Variants in FBN2 observed in about 807,000 individuals in gnomAD.
FBN2 encodes fibrillin-2.
FBN2 carries 105 observed loss-of-function variants against 355.6 expected under a neutral mutation model. The observed-to-expected ratio is 0.30, with a 90% CI of 0.25 to 0.35. The LOEUF (loss-of-function observed/expected upper bound fraction) is 0.35. Ranked by LOEUF, FBN2 falls within the 10% of genes least tolerant of loss-of-function variation. The probability of loss-of-function intolerance (pLI) is 1.00; values close to 1 mark genes in which losing one functional copy is unlikely to be tolerated. For synonymous variants in FBN2, 1,350 were observed against 1,301.2 expected, an observed-to-expected ratio of 1.04 and a Z score of -0.81; for missense variants, 3,280 against 3,758.7, an observed-to-expected ratio of 0.87 and a Z score of 3.33.
Position 128,419,019 on chromosome 5 carries a change from C to G in FBN2, c.953-10220G>C, listed in dbSNP as rs143093730. ...TTTATTTAGATCATTCTTAATTTAA[C>G]AAGGCTTTACAGTTTTCAGTGTACA... On this transcript the variant is annotated intron_variant, in intron 7 of 64. Transcript: ENST00000262464. Among the ~76,000 whole-genome samples, 1,468 of 152,278 alleles carry G rather than the reference C, an allele frequency of 9.6e-3. 10 individuals are homozygous for G. The highest frequency in any genetic ancestry group is 0.017 in the South Asian group (84 of 4,830).
chr5:128,507,329 C>A (rs1465775617), intron 5 of FBN2, among the ~76,000 whole-genome samples: 2 of 151,950 alleles, frequency 1.3e-5, no homozygotes, highest in African/African-American at 2.4e-5. Context: ...CCCAGAGATA[C>A]CGAAATCCAT....
intron 5 of FBN2, among the ~76,000 whole-genome samples, chr5:128,468,676 A>G (rs956410602): frequency 5.3e-5 from 8 of 152,176 alleles, no homozygotes; most frequent in Non-Finnish European, 1.0e-4. Context: ...TTTACATTAA[A>G]TAAACACATT....
intron 8 of FBN2, among the ~76,000 whole-genome samples, chr5:128,406,301 C>T (rs1476952139): frequency 1.3e-5 from 2 of 152,174 alleles, no homozygotes; most frequent in Non-Finnish European, 1.5e-5. Context: ...ACACTTATCA[C>T]ACATTGTGGC....
At chr5:128,382,261 C>T (rs1461621776) in intron 11 of FBN2, among the ~76,000 whole-genome samples, 4 of 152,090 alleles carry the variant, frequency 2.6e-5, no homozygotes, top group Non-Finnish European at 5.9e-5. Context: ...TAACACCTAA[C>T]ACTACTTTTC....
chr5:128,464,817 G>A lies in FBN2; in HGVS notation c.733C>T (p.Arg245Trp), dbSNP rs146941428. The change falls in exon 6 of 65, where the codon CGG (arginine) becomes TGG (tryptophan). Residue 245 changes from arginine (R) to tryptophan (W), a missense_variant. Arg to Trp is a moderately radical substitution (Grantham distance 101, BLOSUM62 -3). Around this residue, in one of 6 missense-constraint regions of FBN2, gnomAD observed 130 missense variants for 189.9 expected, o/e 0.68. Transcript: ENST00000262464. ...TKTLCCATIG[R>W]AWGHPCEMCP... is the part of the protein sequence containing the mutation. ...ATCTCACAGGGATGGCCCCACGCCC[G>A]TCCAATGGTGGCACAGCACAGAGTC... is the stretch of plus-strand genomic sequence containing the variant. The A allele has an allele frequency of 3.5e-5, 56 of 1,614,116 alleles. No individual in the cohort carries two copies. The highest frequency in any genetic ancestry group is 4.2e-5 in the Non-Finnish European group (49 of 1,180,054).
At chr5:128,307,729 C>T (rs1286466682) in intron 41 of FBN2, among the ~76,000 whole-genome samples, 1 of 150,582 alleles carries the variant, frequency 6.6e-6, no homozygotes, top group African/African-American at 2.4e-5. Flanking sequence ...AAAAACAATG[C>T]ATTATGAAAT....
intron 5 of FBN2, among the ~76,000 whole-genome samples, chr5:128,505,379 A>G (rs531004646): frequency 6.6e-6 from 1 of 152,342 alleles, no homozygotes; most frequent in South Asian, 2.1e-4. Flanking sequence ...AAAAAAGTGT[A>G]TGTGGCCAGA....
rs1348868356 is a variant in FBN2, at chr5:128,280,351, A to T, written c.7013-34T>A. The T allele has an allele frequency of 3.2e-6, 5 of 1,561,302 alleles. No individual in the cohort carries two copies. The East Asian group carries it at 1.1e-4, about 35-fold the overall frequency. On this transcript the variant is annotated intron_variant, in intron 55 of 64. Coordinates refer to ENST00000262464, the MANE Select transcript of FBN2 (RefSeq NM_001999.4). The stretch of plus-strand genomic sequence containing the variant: ...AAACAAACAATATGAATAATGAGAA[A>T]ACTGTCAAATTATAGTTTACAAGCT...
chr5:128,410,199 T>C (rs1269636899), intron 7 of FBN2, among the ~76,000 whole-genome samples: 1 of 152,200 alleles, frequency 6.6e-6, no homozygotes, highest in Non-Finnish European at 1.5e-5. Context: ...AAATACAAAA[T>C]GTGGTCAAAG....
chr5:128,299,042 C>T (rs1460634546), intron 48 of FBN2, among the ~76,000 whole-genome samples: 1 of 152,060 alleles, frequency 6.6e-6, no homozygotes, highest in African/African-American at 2.4e-5. Flanking sequence ...TGTTAGTTTT[C>T]CTTCTAACAG....
chr5:128,537,763 G>A lies in FBN2; in HGVS notation c.-160C>T. On this transcript the variant is annotated 5_prime_UTR_variant, in exon 1 of 65. Transcript: ENST00000262464. ...CCTGCTCTAGCTGGAGACCTCGACA[G>A]AGCGCCGGCCCCCTGACTGCCCGCG... The A allele has an allele frequency of 1.4e-6, 1 of 718,476 alleles. No individual in the cohort carries two copies. Among genetic ancestry groups the A allele is most frequent in the Non-Finnish European group, 2.3e-6 (1 of 431,618 alleles). 44.5% of individuals were successfully genotyped at this position (718,476 alleles called of 1,614,324 possible). A position where few individuals can be genotyped will look rare whatever the true frequency, so the allele number is the denominator to read the frequency against.
At chr5:128,536,360 C>T (rs752396067) in intron 2 of FBN2, 42 bp downstream of exon 2, 1 of 1,524,112 alleles carries the variant, frequency 6.6e-7, no homozygotes, top group Non-Finnish European at 9.1e-7. Flanking sequence ...GAGATAGGGC[C>T]GAGTGCGCTG....
At chr5:128,439,907 T>A (rs931419694) in intron 7 of FBN2, among the ~76,000 whole-genome samples, 1 of 152,198 alleles carries the variant, frequency 6.6e-6, no homozygotes, top group Non-Finnish European at 1.5e-5. Flanking sequence ...AATATTTGTA[T>A]CTTTGATTCA....
intron 5 of FBN2, among the ~76,000 whole-genome samples, chr5:128,469,425 G>A (rs1300181426): frequency 6.6e-6 from 1 of 151,882 alleles, no homozygotes; most frequent in Non-Finnish European, 1.5e-5. Context: ...CAGCTACTTG[G>A]GAGGCTGAGG....
intron 16 of FBN2, among the ~76,000 whole-genome samples, chr5:128,366,890 C>T (rs1751785263): frequency 6.6e-6 from 1 of 152,094 alleles, no homozygotes; most frequent in African/African-American, 2.4e-5. Flanking sequence ...CTTTTTACAA[C>T]TGAGGAAAAG....
chr5:128,259,931 T>C, intron 64 of FBN2, 102 bp from the exon 65 acceptor site: 1 of 1,233,454 alleles, frequency 8.1e-7, no homozygotes, highest in South Asian at 1.2e-5. Flanking sequence ...GGACAGGCTG[T>C]GGCTTCCCAC....
At chr5:128,536,144 T>C (rs780856581) in intron 2 of FBN2, among the ~76,000 whole-genome samples, 10 of 152,234 alleles carry the variant, frequency 6.6e-5, no homozygotes, top group Non-Finnish European at 1.5e-4. Context: ...TTAATAGACA[T>C]AGAAAGATAA....
intron 52 of FBN2, among the ~76,000 whole-genome samples, chr5:128,288,882 T>C (rs1387190209): frequency 6.6e-6 from 1 of 152,210 alleles, no homozygotes; most frequent in African/African-American, 2.4e-5. Context: ...TTTTGGCAAT[T>C]GTAAGTCTCT....
chr5:128,504,809 G>T (rs143665166), intron 5 of FBN2, among the ~76,000 whole-genome samples: 4,833 of 152,244 alleles, frequency 0.032, 249 homozygotes, highest in African/African-American at 0.11. Context: ...GGGAAGGCAT[G>T]ATTGTGTTTT....
Sources: allele counts gnomAD v4.1 joint callset (sites outside exome capture counted in the v4.1 genomes callset), GRCh38; gene constraint gnomAD v4.1.1; regional missense constraint gnomAD v4.1.1; transcripts MANE v1.5; gene names NCBI Gene and HGNC (gene_info 2026-07-23, HGNC 2026-07-21).